CCDC50: variants seen among roughly 807,000 people sequenced by gnomAD.
CCDC50 encodes the protein coiled-coil domain containing 50.
A neutral mutation model predicts 70.2 loss-of-function variants in CCDC50; 54 were observed. That is an observed-to-expected ratio of 0.77 (90% CI 0.62 to 0.96). The LOEUF (loss-of-function observed/expected upper bound fraction) is 0.96. CCDC50 is among the 50% of genes least tolerant of loss of function. CCDC50 has a pLI of 0.00. For synonymous variants in CCDC50, 216 were observed against 198.8 expected (o/e 1.09, Z -0.73); for missense variants, 558 against 578.7 (o/e 0.96, Z 0.37).
Position 191,329,515 on chromosome 3 carries a change from C to T in CCDC50, c.-160C>T. The T allele has an allele frequency of 1.6e-6, 1 of 618,284 alleles. No individual in the cohort carries two copies. Among genetic ancestry groups the T allele is most frequent in the East Asian group, 3.5e-5 (1 of 28,436 alleles). 38.3% of individuals were successfully genotyped at this position (618,284 alleles called of 1,614,324 possible). A position where few individuals can be genotyped will look rare whatever the true frequency, so the allele number is the denominator to read the frequency against. Reference sequence around the variant, plus strand: ...GACCGTCTCCCGCTGCTTTGGTCACCAGCCCCTGCCCGCCCGACCCGCTCC... The same window carrying T: ...GACCGTCTCCCGCTGCTTTGGTCACTAGCCCCTGCCCGCCCGACCCGCTCC... On this transcript the variant is annotated 5_prime_UTR_variant, in exon 1 of 12. Transcript: ENST00000392455.
chr3:191,329,814 C>A (rs1295092274), intron 1 of CCDC50, 91 bp downstream of exon 1: 1 of 1,381,470 alleles, frequency 7.2e-7, no homozygotes, highest in Middle Eastern at 1.9e-4. Context: ...TCGGCTCCCG[C>A]GGCCCTCGCC....
intron 6 of CCDC50, among the ~76,000 whole-genome samples, chr3:191,376,208 T>C (rs1298916696): frequency 1.3e-5 from 2 of 152,170 alleles, no homozygotes; most frequent in Admixed American, 6.5e-5. Flanking sequence ...TTTGGACATG[T>C]TTTAGACCTG....
chr3:191,375,518 GAAA>G lies in CCDC50; in HGVS notation c.908_910del (p.Lys303del), dbSNP rs1713077265. ...AGGGACCATGGGCAAGGTGAGCACA[GAAA>G]AAGGAGACACAGGCCCAGGACTCCT... On this transcript the variant is annotated inframe_deletion, in exon 6 of 12. Transcript: ENST00000392455. The G allele has an allele frequency of 1.9e-6, 3 of 1,613,580 alleles. No individual in the cohort carries two copies. The highest frequency in any genetic ancestry group is 2.5e-6 in the Non-Finnish European group (3 of 1,179,796).
intron 4 of CCDC50, among the ~76,000 whole-genome samples, chr3:191,365,430 A>G (rs564489288): frequency 6.6e-6 from 1 of 152,130 alleles, no homozygotes; most frequent in East Asian, 1.9e-4. Context: ...GCTATTAAAA[A>G]TTTTCCTGTG....
intron 1 of CCDC50, among the ~76,000 whole-genome samples, chr3:191,340,653 G>C (rs181056954): frequency 2.0e-5 from 3 of 152,276 alleles, no homozygotes; most frequent in African/African-American, 7.2e-5. Context: ...AGCTGAAAAA[G>C]TTTGGAGTGG....
intron 1 of CCDC50, among the ~76,000 whole-genome samples, chr3:191,339,419 C>T (rs1711640132): frequency 6.6e-6 from 1 of 152,120 alleles, no homozygotes; most frequent in Non-Finnish European, 1.5e-5. Flanking sequence ...GCAAGTGATT[C>T]CTTTATAGCA....
intron 10 of CCDC50, among the ~76,000 whole-genome samples, chr3:191,389,000 G>C (rs1036873946): frequency 6.7e-6 from 1 of 150,298 alleles, no homozygotes; most frequent in South Asian, 2.1e-4. Context: ...ATTAAGATCT[G>C]TTTTGCCACC....
chr3:191,363,565 C>T (rs1420829662), intron 4 of CCDC50, among the ~76,000 whole-genome samples: 1 of 152,170 alleles, frequency 6.6e-6, no homozygotes, highest in Non-Finnish European at 1.5e-5. Flanking sequence ...TTTATAATTG[C>T]CCTTTCCTTG....
At chr3:191,379,005 A>G (rs1264498176) in intron 6 of CCDC50, among the ~76,000 whole-genome samples, 1 of 152,084 alleles carries the variant, frequency 6.6e-6, no homozygotes, top group Admixed American at 6.6e-5. Context: ...CATTCTCATC[A>G]TTTGCCCAGT....
chr3:191,363,229 G>A (rs1384676223), intron 4 of CCDC50, among the ~76,000 whole-genome samples: 3 of 151,872 alleles, frequency 2.0e-5, no homozygotes, highest in African/African-American at 4.8e-5. Context: ...TCCATTTTTC[G>A]GATGTAGAAA....
Position 191,370,055 on chromosome 3 carries a change from T to G in CCDC50, c.448+19T>G, listed in dbSNP as rs1489312069. 4.0e-6 allele frequency: 6 copies of G among 1,484,620 alleles called. No homozygotes were observed. The South Asian group carries it at 6.8e-5, about 17-fold the overall frequency. 92.0% of individuals were successfully genotyped at this position (1,484,620 alleles called of 1,614,324 possible). A position where few individuals can be genotyped will look rare whatever the true frequency, so the allele number is the denominator to read the frequency against. On this transcript the variant is annotated intron_variant, in intron 5 of 11. Coordinates refer to ENST00000392455, the MANE Select transcript of CCDC50 (RefSeq NM_178335.3). ...GATGGAGGTAACAATTCCTGCATCATGATCTATTCTATCCTTAGACTCAAC... is the reference window on the plus strand; with the variant it reads ...GATGGAGGTAACAATTCCTGCATCAGGATCTATTCTATCCTTAGACTCAAC...
chr3:191,358,399 A>T (rs550433712), intron 3 of CCDC50, among the ~76,000 whole-genome samples: 1 of 152,262 alleles, frequency 6.6e-6, no homozygotes, highest in African/African-American at 2.4e-5. Flanking sequence ...ACTTCTCTGA[A>T]TTTATTTTCC....
intron 1 of CCDC50, among the ~76,000 whole-genome samples, chr3:191,356,771 T>A (rs1712298326): frequency 6.6e-6 from 1 of 152,140 alleles, no homozygotes; most frequent in Non-Finnish European, 1.5e-5. Flanking sequence ...CACTTAACCC[T>A]CCATTTATAG....
chr3:191,384,350 A>T (rs775193049), intron 10 of CCDC50, among the ~76,000 whole-genome samples: 2 of 152,206 alleles, frequency 1.3e-5, no homozygotes, highest in Non-Finnish European at 2.9e-5. Flanking sequence ...GATAAAGCTT[A>T]TATATCTTGC....
chr3:191,378,746 T>TAACA (rs1479599331), intron 6 of CCDC50, among the ~76,000 whole-genome samples: 3 of 152,034 alleles, frequency 2.0e-5, no homozygotes. Flanking sequence ...TTTGTTTGTT[T>TAACA]GTTTGTTTGT....
At chr3:191,335,621 A>G (rs576930852) in intron 1 of CCDC50, among the ~76,000 whole-genome samples, 97 of 152,292 alleles carry the variant, frequency 6.4e-4, no homozygotes, top group Non-Finnish European at 1.0e-3. Context: ...TTAAAAAAGC[A>G]TACACACATA....
At position 191,375,112 on chromosome 3, in the gene CCDC50, C is replaced by G. The variant is rs1560167961; in HGVS notation, c.499C>G (p.Pro167Ala). The change falls in exon 6 of 12, where the codon CCT (proline) becomes GCT (alanine). Residue 167 changes from proline to alanine, a missense_variant. By Grantham distance (27) the Pro-to-Ala change is conservative. Transcript: ENST00000392455. ...GGAATTGGGTTCTGGATTCTCAAGA[C>G]CTTGTAGACTCCAAAGAGATGGAAA... ...ARELGSGFSR[P>A]CRLQRDGKTV... is the part of the protein sequence containing the mutation. 6.2e-7 allele frequency: 1 copy of G among 1,613,532 alleles called. No homozygotes were observed. Among genetic ancestry groups the G allele is most frequent in the South Asian group, 1.1e-5 (1 of 91,064 alleles).
intron 1 of CCDC50, among the ~76,000 whole-genome samples, chr3:191,340,861 G>A (rs1711702495): frequency 6.6e-6 from 1 of 152,116 alleles, no homozygotes; most frequent in Non-Finnish European, 1.5e-5. Context: ...CTAGAGACAG[G>A]GTTTCACTCT....
chr3:191,366,674 G>GT (rs138659618), intron 4 of CCDC50, among the ~76,000 whole-genome samples: 29,815 of 149,612 alleles, frequency 0.2, 3,219 homozygotes, highest in Non-Finnish European at 0.24. Flanking sequence ...AAGATAACAG[G>GT]TTTTTTTTTT....
Sources: allele counts gnomAD v4.1 joint callset (sites outside exome capture counted in the v4.1 genomes callset), GRCh38; gene constraint gnomAD v4.1.1; transcripts MANE v1.5; gene names NCBI Gene and HGNC (gene_info 2026-07-23, HGNC 2026-07-21).